KLF12: variants seen among roughly 807,000 people sequenced by gnomAD.
The protein encoded by KLF12 is Krueppel-like factor 12.
Under a neutral mutation model 37.8 loss-of-function variants are expected in KLF12, and 9 were observed. The ratio of observed to expected loss-of-function variants is 0.24; its 90% confidence interval spans 0.14 to 0.42. The LOEUF (loss-of-function observed/expected upper bound fraction) is 0.42. Ranked by LOEUF, KLF12 falls within the 10% of genes least tolerant of loss-of-function variation. The pLI, the probability that KLF12 is intolerant of heterozygous loss-of-function variation, is 1.00. For missense variants in KLF12, 411 were observed against 516.0 expected, an observed-to-expected ratio of 0.80 and a Z score of 1.97; for synonymous variants, 208 against 202.1, an observed-to-expected ratio of 1.03 and a Z score of -0.25.
At chr13:74,019,332 T>C (rs1460489285) in intron 1 of KLF12, among the ~76,000 whole-genome samples, 1 of 152,188 alleles carries the variant, frequency 6.6e-6, no homozygotes, top group Non-Finnish European at 1.5e-5. Context: ...CTATCAACTA[T>C]CCATATGAAA....
intron 3 of KLF12, among the ~76,000 whole-genome samples, chr13:73,918,605 T>C (rs1024541630): frequency 3.3e-5 from 5 of 152,198 alleles, no homozygotes; most frequent in Non-Finnish European, 4.4e-5. Flanking sequence ...CCCAAACTCA[T>C]TGAGACTCAA....
At chr13:74,191,535 G>A in the KLF12 span, among the ~76,000 whole-genome samples, 1 of 152,182 alleles carries the variant, frequency 6.6e-6, no homozygotes, top group South Asian at 2.1e-4. Context: ...CTAGGTTAAT[G>A]AGAGCCGCGT....
At chr13:73,844,447 A>C (rs1011240980) in intron 4 of KLF12, among the ~76,000 whole-genome samples, 2 of 152,166 alleles carry the variant, frequency 1.3e-5, no homozygotes, top group Admixed American at 1.3e-4. Context: ...TAGCTCCTGG[A>C]CCATTAGAGA....
chr13:73,692,013 T>A lies in KLF12; in HGVS notation c.*3477A>T, dbSNP rs1404047405. On this transcript the variant is annotated 3_prime_UTR_variant, in exon 8 of 8. Transcript: ENST00000377669. ...TTTCCCACTTAAGCTTTCAAGTGAATGAAAAGTGCTCATTTTTTTAAAAAA... is the reference window on the plus strand; with the variant it reads ...TTTCCCACTTAAGCTTTCAAGTGAAAGAAAAGTGCTCATTTTTTTAAAAAA... 2.0e-5 allele frequency: 3 copies of A among 152,642 alleles called. No individual in the cohort carries two copies. The highest frequency in any genetic ancestry group is 2.1e-4 in the South Asian group (1 of 4,834). The allele number at this position is 152,642 out of a possible 1,614,324, so 9.5% of individuals were successfully genotyped here.
At chr13:73,771,506 GA>G (rs1024827879) in intron 5 of KLF12, among the ~76,000 whole-genome samples, 2 of 142,524 alleles carry the variant, frequency 1.4e-5, no homozygotes, top group Admixed American at 1.5e-4. Flanking sequence ...AATGAGTATA[GA>G]AAAATATAAA....
the KLF12 span, among the ~76,000 whole-genome samples, chr13:74,151,675 T>G: frequency 3.3e-5 from 5 of 151,620 alleles, no homozygotes. Context: ...AATAAATAAA[T>G]AAGAAGATTC....
At chr13:73,753,948 CT>C (rs1210340063) in intron 6 of KLF12, among the ~76,000 whole-genome samples, 2 of 152,028 alleles carry the variant, frequency 1.3e-5, no homozygotes, top group African/African-American at 4.8e-5. Context: ...TTTTGGAGCC[CT>C]TTTCTCCTTG....
intron 4 of KLF12, among the ~76,000 whole-genome samples, chr13:73,839,261 T>A (rs893293838): frequency 6.0e-5 from 8 of 133,702 alleles, no homozygotes; most frequent in Non-Finnish European, 1.1e-4. Context: ...CCTGGTTATT[T>A]TTTTTTTTTT....
At chr13:73,810,982 CTTTTTTTTTT>C (rs376490803) in intron 5 of KLF12, among the ~76,000 whole-genome samples, 4 of 44,810 alleles carry the variant, frequency 8.9e-5, no homozygotes, top group Non-Finnish European at 1.2e-4. Flanking sequence ...ATTTTTCTTT[CTTTTTTTTTT>C]TTTTTTTTTT....
At chr13:74,203,085 G>A in the KLF12 span, among the ~76,000 whole-genome samples, 1 of 152,122 alleles carries the variant, frequency 6.6e-6, no homozygotes, top group Admixed American at 6.6e-5. Context: ...GGTTAGATGG[G>A]GTTCCATTAA....
At chr13:74,184,201 CA>C in the KLF12 span, among the ~76,000 whole-genome samples, 1 of 152,076 alleles carries the variant, frequency 6.6e-6, no homozygotes, top group South Asian at 2.1e-4. Context: ...TTTTAAACAC[CA>C]AAATAGTTGT....
intron 5 of KLF12, among the ~76,000 whole-genome samples, chr13:73,786,391 A>G (rs1383911257): frequency 1.3e-5 from 2 of 152,074 alleles, no homozygotes; most frequent in Non-Finnish European, 2.9e-5. Context: ...TGCAGAATTA[A>G]CCCTTAACTC....
At chr13:74,113,489 C>T (rs957448594) in intron 1 of KLF12, among the ~76,000 whole-genome samples, 2 of 152,190 alleles carry the variant, frequency 1.3e-5, no homozygotes, top group African/African-American at 2.4e-5. Context: ...GCTAAATCTA[C>T]CCTGCCTGTG....
At chr13:73,900,997 A>G (rs1392357870) in intron 3 of KLF12, among the ~76,000 whole-genome samples, 1 of 152,198 alleles carries the variant, frequency 6.6e-6, no homozygotes, top group Non-Finnish European at 1.5e-5. Flanking sequence ...ACTTAATTTC[A>G]AGACGATTTG....
At chr13:73,755,162 A>G (rs973642870) in intron 6 of KLF12, among the ~76,000 whole-genome samples, 7 of 152,238 alleles carry the variant, frequency 4.6e-5, no homozygotes, top group South Asian at 4.1e-4. Flanking sequence ...CCATACCTAT[A>G]AACTGCAAAC....
At chr13:73,824,230 C>T (rs990452473) in intron 4 of KLF12, among the ~76,000 whole-genome samples, 17 of 152,052 alleles carry the variant, frequency 1.1e-4, no homozygotes, top group Admixed American at 5.2e-4. Context: ...AGTTACTGTG[C>T]GGGCCACAGG....
chr13:74,200,231 G>T, the KLF12 span, among the ~76,000 whole-genome samples: 2 of 151,964 alleles, frequency 1.3e-5, no homozygotes, highest in African/African-American at 4.8e-5. Context: ...GATTCTTTTA[G>T]CCTGAGTCCT....
intron 3 of KLF12, among the ~76,000 whole-genome samples, chr13:73,906,075 C>T (rs917313653): frequency 6.6e-6 from 1 of 152,136 alleles, no homozygotes; most frequent in African/African-American, 2.4e-5. Flanking sequence ...TCCAAGTCAT[C>T]AACTCTCACC....
the KLF12 span, among the ~76,000 whole-genome samples, chr13:74,303,240 C>G: frequency 6.6e-6 from 1 of 152,164 alleles, no homozygotes; most frequent in Non-Finnish European, 1.5e-5. Context: ...CTTGTGTCGT[C>G]TGCATCTTAT....
Sources: allele counts gnomAD v4.1 joint callset (sites outside exome capture counted in the v4.1 genomes callset), GRCh38; gene constraint gnomAD v4.1.1; transcripts MANE v1.5; gene names NCBI Gene and HGNC (gene_info 2026-07-23, HGNC 2026-07-21).